Variants in MTPN observed in about 807,000 individuals in gnomAD.
The protein encoded by MTPN is myotrophin.
In MTPN, 2 loss-of-function variants were observed where a neutral mutation model predicts 13.5. That is an observed-to-expected ratio of 0.15 (90% CI 0.06 to 0.47). The LOEUF (loss-of-function observed/expected upper bound fraction) is 0.47, where lower values mean the gene tolerates loss of function less well. Among genes scored for constraint, MTPN ranks in the 20% least tolerant of loss-of-function variants. The pLI is 0.97. For synonymous variants in MTPN, 46 were observed against 51.7 expected (o/e 0.89, Z 0.48); for missense variants, 79 against 137.9 (o/e 0.57, Z 2.14).
intron 1 of MTPN, among the ~76,000 whole-genome samples, chr7:135,960,969 T>C (rs963808024): frequency 2.6e-5 from 4 of 151,824 alleles, no homozygotes; most frequent in African/African-American, 9.7e-5. Flanking sequence ...TGCAGGCTGA[T>C]AGGAAAGGGA....
chr7:135,958,719 C>T (rs1471073640), intron 1 of MTPN, among the ~76,000 whole-genome samples: 1 of 152,166 alleles, frequency 6.6e-6, no homozygotes, highest in African/African-American at 2.4e-5. Flanking sequence ...GTAACTACAA[C>T]TAATTATTTT....
intron 1 of MTPN, among the ~76,000 whole-genome samples, chr7:135,963,610 T>C (rs1044387046): frequency 6.6e-6 from 1 of 152,058 alleles, no homozygotes; most frequent in African/African-American, 2.4e-5. Context: ...TTACTTGACA[T>C]ATTTTCTGAA....
chr7:135,970,693 T>C (rs918592664), intron 1 of MTPN, among the ~76,000 whole-genome samples: 2 of 152,168 alleles, frequency 1.3e-5, no homozygotes, highest in South Asian at 2.1e-4. Flanking sequence ...AAACACTTTA[T>C]ATAGCCTATG....
intron 3 of MTPN, among the ~76,000 whole-genome samples, chr7:135,939,467 G>A (rs1001735668): frequency 3.6e-4 from 55 of 151,520 alleles, no homozygotes; most frequent in Non-Finnish European, 6.6e-4. Flanking sequence ...GTGACTATCT[G>A]ACCTAATTTT....
chr7:135,954,103 T>C (rs902809913), intron 1 of MTPN, among the ~76,000 whole-genome samples: 3 of 152,220 alleles, frequency 2.0e-5, no homozygotes, highest in African/African-American at 7.2e-5. Flanking sequence ...TTTGGTTTCC[T>C]TATCCGTAAA....
At chr7:135,948,347 A>G (rs999005658) in intron 3 of MTPN, among the ~76,000 whole-genome samples, 7 of 152,318 alleles carry the variant, frequency 4.6e-5, no homozygotes, top group Non-Finnish European at 1.5e-5. Flanking sequence ...ATAAAACAAC[A>G]GCTCTACATG....
In MTPN at chr7:135,928,786, A is replaced by G. The variant is rs1261657423; in HGVS notation, c.*1140T>C. 1 of 167,078 alleles carries G rather than the reference A, an allele frequency of 6.0e-6. No individual in the cohort carries two copies. Among genetic ancestry groups the G allele is most frequent in the Non-Finnish European group, 1.5e-5 (1 of 68,122 alleles). 10.3% of individuals were successfully genotyped at this position (167,078 alleles called of 1,614,324 possible). ...ATGTAATGCATGATTTATAAAAGCA[A>G]CAAAAATATATTATGCAGGTGGGTT... On this transcript the variant is annotated 3_prime_UTR_variant, in exon 4 of 4. Transcript: ENST00000393085.
chr7:135,936,271 G>A (rs1562929111), intron 3 of MTPN, among the ~76,000 whole-genome samples: 1 of 152,206 alleles, frequency 6.6e-6, no homozygotes, highest in South Asian at 2.1e-4. Flanking sequence ...GATCACCTGA[G>A]GTCAGGAGTT....
At chr7:135,976,930 C>CCCCCACCCCCCTCCCCCCA in intron 1 of MTPN, 99 bp downstream of exon 1, 1 of 566,206 alleles carries the variant, frequency 1.8e-6, no homozygotes. Context: ...TCTCTCCTCC[C>CCCCCACCCCCCTCCCCCCA]GCCCACCCCC....
intron 3 of MTPN, among the ~76,000 whole-genome samples, chr7:135,937,570 A>T (rs1285239496): frequency 6.6e-6 from 1 of 152,224 alleles, no homozygotes; most frequent in Admixed American, 6.5e-5. Flanking sequence ...ATACTTTTGT[A>T]TACTTTAAAT....
chr7:135,944,790 T>C (rs941225567), intron 3 of MTPN, among the ~76,000 whole-genome samples: 6 of 152,198 alleles, frequency 3.9e-5, no homozygotes, highest in Non-Finnish European at 7.3e-5. Flanking sequence ...GTGAAAAATA[T>C]AGTAGTCTCC....
chr7:135,945,054 G>A (rs975649167), intron 3 of MTPN, among the ~76,000 whole-genome samples: 3 of 152,186 alleles, frequency 2.0e-5, no homozygotes, highest in Non-Finnish European at 2.9e-5. Context: ...ATAGGCAGCT[G>A]TAACACGATG....
intron 1 of MTPN, 103 bp downstream of exon 1, chr7:135,976,926 C>CTCCCCCCCCCCCCCCTCCCCCCCG: frequency 1.5e-6 from 1 of 665,030 alleles, no homozygotes; most frequent in Non-Finnish European, 2.8e-6. Context: ...GAAGTCTCTC[C>CTCCCCCCCCCCCCCCTCCCCCCCG]TCCCGCCCAC....
chr7:135,938,576 A>G (rs1400677760), intron 3 of MTPN, among the ~76,000 whole-genome samples: 2 of 152,222 alleles, frequency 1.3e-5, no homozygotes, highest in Non-Finnish European at 2.9e-5. Context: ...AAAACCATTG[A>G]AACAGCTTTA....
chr7:135,947,749 G>T (rs1799307153), intron 3 of MTPN, among the ~76,000 whole-genome samples: 2 of 151,842 alleles, frequency 1.3e-5, no homozygotes, highest in African/African-American at 4.8e-5. Flanking sequence ...TGACTTTCAA[G>T]CAGTTAGACC....
chr7:135,977,169 C>T lies in MTPN; in HGVS notation c.-69G>A. The T allele has an allele frequency of 1.9e-6, 3 of 1,542,574 alleles. No individual in the cohort carries two copies. Among genetic ancestry groups the T allele is most frequent in the Non-Finnish European group, 2.7e-6 (3 of 1,117,714 alleles). On this transcript the variant is annotated 5_prime_UTR_variant, in exon 1 of 4. Coordinates refer to ENST00000393085, the MANE Select transcript of MTPN (RefSeq NM_145808.4). ...GGCGGTGGCAGCAGCAAGCGGATGCCGCCGGGCGAGAGGGAGGCAGGGCCG... is the reference window on the plus strand; with the variant it reads ...GGCGGTGGCAGCAGCAAGCGGATGCTGCCGGGCGAGAGGGAGGCAGGGCCG...
rs1798954762 is a variant in MTPN at position 135,928,130 on chromosome 7, CA to C, written c.*1795del. 1 of 169,286 alleles carries C rather than the reference CA, an allele frequency of 5.9e-6. No homozygotes were observed. The highest frequency in any genetic ancestry group is 2.0e-4 in the South Asian group (1 of 4,996). 10.5% of individuals were successfully genotyped at this position (169,286 alleles called of 1,614,324 possible). ...AAGTACTGATTACTGATTTTTAACC[CA>C]ACTCTTAATAGGCTGCATTAAGACA... On this transcript the variant is annotated 3_prime_UTR_variant, in exon 4 of 4. Transcript: ENST00000393085.
chr7:135,956,415 C>T (rs1031413535), intron 1 of MTPN, among the ~76,000 whole-genome samples: 2 of 152,216 alleles, frequency 1.3e-5, no homozygotes, highest in South Asian at 2.1e-4. Flanking sequence ...ACAATATTAA[C>T]ACGTTCCTTA....
Position 135,928,158 on chromosome 7 carries a change from C to T in MTPN, c.*1768G>A, listed in dbSNP as rs190652486. 6.0e-6 allele frequency: 1 copy of T among 167,528 alleles called. No individual in the cohort carries two copies. Among genetic ancestry groups the T allele is most frequent in the East Asian group, 1.9e-4 (1 of 5,184 alleles). 10.4% of individuals were successfully genotyped at this position (167,528 alleles called of 1,614,324 possible). On this transcript the variant is annotated 3_prime_UTR_variant, in exon 4 of 4. Coordinates refer to ENST00000393085, the MANE Select transcript of MTPN (RefSeq NM_145808.4). ...CTCTTAATAGGCTGCATTAAGACAGCAAAATTAGCCAAATACAACAAAGTA... is the reference window on the plus strand; with the variant it reads ...CTCTTAATAGGCTGCATTAAGACAGTAAAATTAGCCAAATACAACAAAGTA...
Sources: gnomAD v4.1 joint callset for allele counts (sites outside exome capture counted in the v4.1 genomes callset) on GRCh38, gnomAD v4.1.1 for gene constraint, MANE v1.5 for transcripts, NCBI Gene and HGNC (gene_info 2026-07-23, HGNC 2026-07-21) for gene names.